The following GPC5 variants were observed in gnomAD, a reference collection of about 807,000 sequenced individuals.
GPC5 encodes glypican 5.
GPC5 carries 47 observed loss-of-function variants against 53.9 expected under a neutral mutation model. The observed-to-expected ratio is 0.87, with a 90% CI of 0.69 to 1.11. The LOEUF (loss-of-function observed/expected upper bound fraction) is 1.11. GPC5 is among the 50% of genes most tolerant of loss of function. GPC5 has a pLI of 0.00. For missense variants in GPC5, 748 were observed against 713.1 expected, an observed-to-expected ratio of 1.05 and a Z score of -0.56; for synonymous variants, 286 against 263.3, an observed-to-expected ratio of 1.09 and a Z score of -0.84.
chr13:91,660,512 C>A (rs560995704), intron 2 of GPC5, among the ~76,000 whole-genome samples: 4 of 152,168 alleles, frequency 2.6e-5, no homozygotes, highest in Non-Finnish European at 4.4e-5. Flanking sequence ...TGTAGAAGAT[C>A]CTCAGCTGAG....
chr13:91,638,873 G>A (rs1357768239), intron 2 of GPC5, among the ~76,000 whole-genome samples: 1 of 152,156 alleles, frequency 6.6e-6, no homozygotes. Flanking sequence ...GAATTAATCT[G>A]TATGTTAAGC....
At chr13:91,619,882 A>G (rs2033805756) in intron 2 of GPC5, among the ~76,000 whole-genome samples, 1 of 152,078 alleles carries the variant, frequency 6.6e-6, no homozygotes, top group Non-Finnish European at 1.5e-5. Flanking sequence ...TTAGGGCTTT[A>G]TGTGCATAGA....
intron 2 of GPC5, among the ~76,000 whole-genome samples, chr13:91,470,961 A>T (rs1882582072): frequency 6.6e-6 from 1 of 152,158 alleles, no homozygotes; most frequent in Admixed American, 6.6e-5. Flanking sequence ...CATACTGTTG[A>T]AGTCTGACAA....
intron 7 of GPC5, among the ~76,000 whole-genome samples, chr13:92,548,443 A>T (rs1032258086): frequency 2.0e-5 from 3 of 151,562 alleles, no homozygotes; most frequent in Non-Finnish European, 2.9e-5. Flanking sequence ...TATAAAATAT[A>T]TTTAAGTTAT....
intron 6 of GPC5, among the ~76,000 whole-genome samples, chr13:92,031,859 A>ATATATAT: frequency 1.2e-5 from 1 of 83,254 alleles, no homozygotes; most frequent in South Asian, 3.0e-4. Context: ...TATATATAAT[A>ATATATAT]TATATATTAT....
chr13:92,161,956 C>T (rs971345450), intron 7 of GPC5, among the ~76,000 whole-genome samples: 11 of 96,030 alleles, frequency 1.1e-4, no homozygotes, highest in African/African-American at 2.0e-4. Context: ...AATATATAGC[C>T]ATATATATAT....
intron 7 of GPC5, among the ~76,000 whole-genome samples, chr13:92,816,731 C>T (rs1877490178): frequency 6.6e-6 from 1 of 151,954 alleles, no homozygotes; most frequent in African/African-American, 2.4e-5. Context: ...CATAGTGCTT[C>T]CAGGCTTTCT....
At chr13:92,608,496 T>C (rs1178490465) in intron 7 of GPC5, among the ~76,000 whole-genome samples, 2 of 152,070 alleles carry the variant, frequency 1.3e-5, no homozygotes, top group African/African-American at 4.8e-5. Context: ...TCTGAAATTG[T>C]CCCCCTTTGT....
chr13:91,444,251 T>C (rs371029460), intron 1 of GPC5, among the ~76,000 whole-genome samples: 2 of 152,282 alleles, frequency 1.3e-5, no homozygotes, highest in African/African-American at 4.8e-5. Flanking sequence ...TCACCTCATA[T>C]CTGAGTTTTA....
chr13:92,277,957 CTAAT>C (rs1048162790), intron 7 of GPC5, among the ~76,000 whole-genome samples: 1 of 151,618 alleles, frequency 6.6e-6, no homozygotes, highest in Non-Finnish European at 1.5e-5. Context: ...TTGATTAAAA[CTAAT>C]TATATAGTAA....
At position 92,537,239 on chromosome 13, in the gene GPC5, G is replaced by C. The variant is rs565172311; in HGVS notation, c.1562-329043G>C. On this transcript the variant is annotated intron_variant, in intron 7 of 7. Coordinates refer to ENST00000377067, the MANE Select transcript of GPC5 (RefSeq NM_004466.6). ...GTGCAGATTTACAATAGTGTAGTTG[G>C]TATAAGCATCTGTGAAAGAAAATTT... 7.2e-4 allele frequency among the ~76,000 whole-genome samples: 110 copies of C among 152,160 alleles called. 1 individual carries two copies. Among genetic ancestry groups the C allele is most frequent in the African/African-American group, 2.6e-3 (109 of 41,512 alleles).
intron 7 of GPC5, among the ~76,000 whole-genome samples, chr13:92,494,185 G>A (rs1193911407): frequency 6.6e-6 from 1 of 151,972 alleles, no homozygotes; most frequent in Non-Finnish European, 1.5e-5. Flanking sequence ...CGCCTCCTGG[G>A]TTCACGCCAT....
At chr13:92,280,867 G>A (rs1356460843) in intron 7 of GPC5, among the ~76,000 whole-genome samples, 1 of 152,152 alleles carries the variant, frequency 6.6e-6, no homozygotes, top group Non-Finnish European at 1.5e-5. Flanking sequence ...GAGGTACCGG[G>A]TTCATCTCAC....
In GPC5 at chr13:92,277,736, A is replaced by T. The variant is rs192944407; in HGVS notation, c.1561+132747A>T. Among the ~76,000 whole-genome samples the T allele has an allele frequency of 2.4e-4, 36 of 152,046 alleles. No homozygotes were observed. In the East Asian group the frequency reaches 7.0e-3, roughly 29 times the overall value. ...TAAAAATTTTGATCACAAAAATGGCACTGCAGACAACTTGTTTCTACTTCT... is the reference window on the plus strand; with the variant it reads ...TAAAAATTTTGATCACAAAAATGGCTCTGCAGACAACTTGTTTCTACTTCT... On this transcript the variant is annotated intron_variant, in intron 7 of 7. Transcript: ENST00000377067.
Position 91,716,878 on chromosome 13 carries a change from T to C in GPC5, c.1021-11654T>C, listed in dbSNP as rs376214830. On this transcript the variant is annotated intron_variant, in intron 3 of 7. Transcript: ENST00000377067. ...TGACTATTTCCAACAAATGAGTTAT[T>C]GAGAACAAAAGTATTAATTCATTTG... Among the ~76,000 whole-genome samples, 7 of 152,336 alleles carry C rather than the reference T, an allele frequency of 4.6e-5. No homozygotes were observed. In the East Asian group the frequency reaches 1.3e-3, roughly 29 times the overall value.
Position 92,357,766 on chromosome 13 carries a change from T to G in GPC5, c.1561+212777T>G, listed in dbSNP as rs536495818. 3.4e-4 allele frequency among the ~76,000 whole-genome samples: 52 copies of G among 151,512 alleles called. 4 individuals carry two copies. The highest frequency in any genetic ancestry group is 1.2e-3 in the African/African-American group (50 of 40,908). ...AGAGGTGCTACCCATGTTTAGAGAATTCACTGACTATGACAAGAACAGCAA... is the reference window on the plus strand; with the variant it reads ...AGAGGTGCTACCCATGTTTAGAGAAGTCACTGACTATGACAAGAACAGCAA... On this transcript the variant is annotated intron_variant, in intron 7 of 7. Coordinates refer to ENST00000377067, the MANE Select transcript of GPC5 (RefSeq NM_004466.6).
chr13:91,869,521 C>G (rs2039120713), intron 5 of GPC5, among the ~76,000 whole-genome samples: 1 of 152,144 alleles, frequency 6.6e-6, no homozygotes, highest in Admixed American at 6.6e-5. Flanking sequence ...TTTCTCTCTT[C>G]TTATTGCTGC....
chr13:91,836,843 T>C (rs889642385), intron 5 of GPC5, among the ~76,000 whole-genome samples: 1 of 151,484 alleles, frequency 6.6e-6, no homozygotes, highest in African/African-American at 2.4e-5. Context: ...TTTAAAAACC[T>C]TAAAAGTATA....
chr13:91,665,233 T>C (rs1261660019), intron 2 of GPC5, among the ~76,000 whole-genome samples: 3 of 152,252 alleles, frequency 2.0e-5, no homozygotes, highest in Non-Finnish European at 4.4e-5. Flanking sequence ...TTCTTCATTT[T>C]AGCTTATCTA....
Sources: gnomAD v4.1 joint callset for allele counts (sites outside exome capture counted in the v4.1 genomes callset) on GRCh38, gnomAD v4.1.1 for gene constraint, MANE v1.5 for transcripts, NCBI Gene and HGNC (gene_info 2026-07-23, HGNC 2026-07-21) for gene names.